Variants in GALC observed in about 807,000 individuals in gnomAD.
GALC encodes galactocerebrosidase.
Under a neutral mutation model 91.8 loss-of-function variants are expected in GALC, and 77 were observed. That is an observed-to-expected ratio of 0.84 (90% CI 0.70 to 1.01). The LOEUF is 1.01. Ranked by LOEUF, GALC falls within the 50% of genes least tolerant of loss-of-function variation. GALC has a pLI of 0.00. For missense variants in GALC, 882 were observed against 855.9 expected, an observed-to-expected ratio of 1.03 and a Z score of -0.38; for synonymous variants, 357 against 306.7, an observed-to-expected ratio of 1.16 and a Z score of -1.71.
chr14:87,952,508 G>A (rs1425242193), intron 10 of GALC: 1 of 668,884 alleles, frequency 1.5e-6, no homozygotes, highest in Non-Finnish European at 2.7e-6. Flanking sequence ...ATCCTGTTGA[G>A]AACCACCCAG....
At chr14:87,946,707 A>T (rs1885085975) in intron 13 of GALC, among the ~76,000 whole-genome samples, 1 of 151,972 alleles carries the variant, frequency 6.6e-6, no homozygotes, top group Non-Finnish European at 1.5e-5. Context: ...ACAGAGAACC[A>T]AGCGAGCAAC....
chr14:87,949,626 G>A (rs1885222342), intron 12 of GALC, among the ~76,000 whole-genome samples: 1 of 151,894 alleles, frequency 6.6e-6, no homozygotes, highest in Non-Finnish European at 1.5e-5. Context: ...AGGGTGAGTG[G>A]GAAAGACAGA....
intron 16 of GALC, among the ~76,000 whole-genome samples, chr14:87,938,974 G>C (rs916924118): frequency 2.0e-5 from 3 of 151,442 alleles, no homozygotes; most frequent in Non-Finnish European, 2.9e-5. Context: ...GAAGAAAGAA[G>C]TGAACAGGCA....
At chr14:87,980,521 C>A (rs1279260755) in intron 6 of GALC, 1 of 980,358 alleles carries the variant, frequency 1.0e-6, no homozygotes, top group Non-Finnish European at 1.2e-6. Context: ...ATCTTCAGTT[C>A]TTTGCACATG....
At chr14:87,976,815 C>T in intron 6 of GALC, 1 of 336,596 alleles carries the variant, frequency 3.0e-6, no homozygotes, top group South Asian at 2.4e-5. Flanking sequence ...AGGGTTTCGC[C>T]ATATTGGCCA....
At chr14:87,966,865 CA>C (rs1886077308) in intron 8 of GALC, among the ~76,000 whole-genome samples, 2 of 152,258 alleles carry the variant, frequency 1.3e-5, no homozygotes, top group Admixed American at 6.5e-5. Context: ...AAAACAGAGA[CA>C]ACTTCCAATT....
chr14:87,957,146 A>T (rs535096390), intron 10 of GALC, among the ~76,000 whole-genome samples: 1 of 152,086 alleles, frequency 6.6e-6, no homozygotes, highest in South Asian at 2.1e-4. Flanking sequence ...TTCCTTATAG[A>T]TTCTGGATGC....
Position 87,984,422 on chromosome 14 carries a change from T to C in GALC, c.554A>G (p.Tyr185Cys), listed in dbSNP as rs1886881874. ...AATATAATCAATGTCCAAATCATGG[T>C]AACGCTTGGCGCCCACAATCCAGGT... Reference protein sequence around the residue: ...VVTWIVGAKRYHDLDIDYIGI... With the variant: ...VVTWIVGAKRCHDLDIDYIGI... The change falls in exon 5 of 17, where the codon TAC becomes TGC. Residue 185 changes from tyrosine (Y) to cysteine (C), a missense_variant. By Grantham distance (194) the Tyr-to-Cys change is radical (BLOSUM62 -2). Transcript: ENST00000261304. 6.2e-7 allele frequency: 1 copy of C among 1,614,040 alleles called. No homozygotes were observed. Among genetic ancestry groups the C allele is most frequent in the African/African-American group, 1.3e-5 (1 of 75,048 alleles).
intron 1 of GALC, chr14:87,992,632 GAA>G: frequency 1.1e-5 from 16 of 1,448,722 alleles, no homozygotes; most frequent in Non-Finnish European, 1.4e-5. Flanking sequence ...TCTCCGCGAT[GAA>G]GACAGCCTGT....
intron 16 of GALC, among the ~76,000 whole-genome samples, chr14:87,936,939 A>G (rs182757788): frequency 0.013 from 929 of 72,562 alleles, 14 homozygotes; most frequent in African/African-American, 0.039. Flanking sequence ...TTGAATCTTC[A>G]TAAGAAAAGT....
intron 10 of GALC, among the ~76,000 whole-genome samples, chr14:87,951,052 AAAAT>A (rs2139964575): frequency 6.6e-6 from 1 of 152,026 alleles, no homozygotes; most frequent in East Asian, 1.9e-4. Context: ...TTTTCCAACT[AAAAT>A]ACATCAAATA....
intron 4 of GALC, among the ~76,000 whole-genome samples, chr14:87,985,912 G>C (rs1362526920): frequency 2.6e-5 from 4 of 152,142 alleles, no homozygotes; most frequent in Non-Finnish European, 5.9e-5. Context: ...AATTGGGGAC[G>C]GGATTGGCTT....
intron 8 of GALC, among the ~76,000 whole-genome samples, chr14:87,968,100 T>A (rs1380883647): frequency 6.6e-6 from 1 of 152,136 alleles, no homozygotes; most frequent in Non-Finnish European, 1.5e-5. Context: ...TGCATGTATT[T>A]TGCTACATAT....
rs1415087678 is a variant in GALC at position 87,992,643 on chromosome 14, G to A, written c.195+327C>T. On this transcript the variant is annotated intron_variant, in intron 1 of 16. Transcript: ENST00000261304. ...GCCATCTCCGCGATGAAGACAGCCT[G>A]TGCCCCACTGCCTGGGACGAGGGTT... 2.1e-6 allele frequency: 3 copies of A among 1,444,194 alleles called. No individual in the cohort carries two copies. The East Asian group carries it at 7.5e-5, about 36-fold the overall frequency. The allele number at this position is 1,444,194 out of a possible 1,614,324, so 89.5% of individuals were successfully genotyped here.
chr14:87,970,875 CAA>C (rs557589251), intron 7 of GALC, among the ~76,000 whole-genome samples: 1 of 62,942 alleles, frequency 1.6e-5, no homozygotes, highest in South Asian at 5.7e-4. Context: ...GACTCTGTCT[CAA>C]AAAAAAAAAA....
At chr14:87,992,112 T>A (rs550720848) in intron 1 of GALC, among the ~76,000 whole-genome samples, 5 of 152,166 alleles carry the variant, frequency 3.3e-5, no homozygotes, top group Admixed American at 3.3e-4. Context: ...AGCAGAAGGT[T>A]ATATCTTGTG....
At chr14:87,980,658 C>T (rs1886701871) in intron 6 of GALC, 1 of 171,032 alleles carries the variant, frequency 5.8e-6, no homozygotes, top group Non-Finnish European at 1.2e-5. Flanking sequence ...CCTCTGTGCG[C>T]CTTTTAAGAA....
rs773927595 is a variant in GALC, at chr14:87,984,546, G to C, written c.443-13C>G. 23 of 1,614,024 alleles carry C rather than the reference G, an allele frequency of 1.4e-5. No homozygotes were observed. Among genetic ancestry groups the C allele is most frequent in the Non-Finnish European group, 1.9e-5 (23 of 1,179,936 alleles). ...GACCATGGCAACCCTGCAGAGAGAA[G>C]GGAGGAGGCAAAGGTAGAGGAGGTA... is the stretch of plus-strand genomic sequence containing the variant. On this transcript the variant is annotated splice_polypyrimidine_tract_variant and intron_variant, in intron 4 of 16. Transcript: ENST00000261304.
rs1057516394 is a variant in GALC, at chr14:87,949,909, A to AC, written c.1273dup (p.Val425GlyfsTer16). 6.3e-7 allele frequency: 1 copy of AC among 1,584,846 alleles called. No homozygotes were observed. The highest frequency in any genetic ancestry group is 8.7e-7 in the Non-Finnish European group (1 of 1,154,080). On this transcript the variant is annotated frameshift_variant, in exon 12 of 17. Transcript: ENST00000261304. LOFTEE classifies it high-confidence loss of function. ...TGTTTTTCCAAGTTTGGTATACCAT[A>AC]CCTGTAGCTCTGGTATTTCACTCTG...
Sources: allele counts gnomAD v4.1 joint callset (sites outside exome capture counted in the v4.1 genomes callset), GRCh38; gene constraint gnomAD v4.1.1; transcripts MANE v1.5; gene names NCBI Gene and HGNC (gene_info 2026-07-23, HGNC 2026-07-21).